The following GRM1 variants were observed in gnomAD, a reference collection of about 807,000 sequenced individuals.
GRM1 encodes glutamate metabotropic receptor 1, also known as metabotropic glutamate receptor 1.
GRM1 carries 33 observed loss-of-function variants against 90.9 expected under a neutral mutation model. The observed-to-expected ratio is 0.36, with a 90% CI of 0.28 to 0.49. The LOEUF (loss-of-function observed/expected upper bound fraction) is 0.49, where lower values mean the gene tolerates loss of function less well. Among genes scored for constraint, GRM1 ranks in the 20% least tolerant of loss-of-function variants. GRM1 has a pLI of 0.99. For missense variants in GRM1, 1,190 were observed against 1,534.3 expected, an observed-to-expected ratio of 0.78 and a Z score of 3.75; for synonymous variants, 700 against 613.2, an observed-to-expected ratio of 1.14 and a Z score of -2.09.
At chr6:146,332,650 C>G (rs1458336464) in intron 3 of GRM1, among the ~76,000 whole-genome samples, 1 of 152,160 alleles carries the variant, frequency 6.6e-6, no homozygotes, top group African/African-American at 2.4e-5. Context: ...GGCATTTAAT[C>G]TTAATTACAT....
In GRM1 at chr6:146,267,620, AGGCTGGGCTG is replaced by A; in HGVS notation, c.951-36980_951-36971del. On this transcript the variant is annotated intron_variant, in intron 2 of 7. Coordinates refer to ENST00000282753, the MANE Select transcript of GRM1 (RefSeq NM_001278064.2). ...GCATGGGAGAAAGATGTAGGCTGGG[AGGCTGGGCTG>A]GGCTGGGCTGCGCTGGGCTGGGCTG... is the stretch of plus-strand genomic sequence containing the variant. Among the ~76,000 whole-genome samples, 3 of 75,064 alleles carry A rather than the reference AGGCTGGGCTG, an allele frequency of 4.0e-5. No homozygotes were observed. The South Asian group carries it at 1.7e-3, about 42-fold the overall frequency. 49.2% of individuals were successfully genotyped at this position (75,064 alleles called of 152,430 possible).
At chr6:146,282,926 C>A (rs1782626989) in intron 2 of GRM1, among the ~76,000 whole-genome samples, 1 of 152,168 alleles carries the variant, frequency 6.6e-6, no homozygotes, top group Admixed American at 6.5e-5. Context: ...TAATCCCTGT[C>A]TCTTGATTTG....
intron 7 of GRM1, among the ~76,000 whole-genome samples, chr6:146,421,744 C>T (rs1778000526): frequency 1.3e-5 from 2 of 152,038 alleles, no homozygotes; most frequent in Non-Finnish European, 2.9e-5. Context: ...CAATATTTTA[C>T]ACCTATATGG....
At chr6:146,308,971 T>A (rs2114936680) in intron 3 of GRM1, among the ~76,000 whole-genome samples, 1 of 152,322 alleles carries the variant, frequency 6.6e-6, no homozygotes, top group Non-Finnish European at 1.5e-5. Flanking sequence ...TGTTTTTGCT[T>A]ATTCACAATT....
At chr6:146,274,204 T>C (rs1306182539) in intron 2 of GRM1, among the ~76,000 whole-genome samples, 1 of 152,202 alleles carries the variant, frequency 6.6e-6, no homozygotes, top group Non-Finnish European at 1.5e-5. Flanking sequence ...AGTAAAAACT[T>C]GGGGAAAAAT....
chr6:146,203,792 C>T lies in GRM1; in HGVS notation c.950+44195C>T, dbSNP rs765634612. ...ACTCGTATCCTACATTTGAATTCCA[C>T]GGCAAAGAGAAAACCAGAAAATATT... On this transcript the variant is annotated intron_variant, in intron 2 of 7. Transcript: ENST00000282753. Among the ~76,000 whole-genome samples, 48 of 152,274 alleles carry T rather than the reference C, an allele frequency of 3.2e-4. 1 individual carries two copies. The highest frequency in any genetic ancestry group is 7.8e-4 in the Admixed American group (12 of 15,290).
chr6:146,172,817 C>T (rs1317425162), intron 2 of GRM1, among the ~76,000 whole-genome samples: 2 of 152,020 alleles, frequency 1.3e-5, no homozygotes, highest in African/African-American at 2.4e-5. Context: ...TATTTAATGG[C>T]ATTTGGATTT....
chr6:146,070,755 T>G (rs1024552175), intron 1 of GRM1, among the ~76,000 whole-genome samples: 1 of 152,186 alleles, frequency 6.6e-6, no homozygotes, highest in East Asian at 1.9e-4. Context: ...TGTCAATTTT[T>G]GGCAGCAGAA....
At chr6:146,177,465 G>A (rs1277934270) in intron 2 of GRM1, among the ~76,000 whole-genome samples, 2 of 151,910 alleles carry the variant, frequency 1.3e-5, no homozygotes, top group Admixed American at 1.3e-4. Context: ...TTTTTATATA[G>A]CTTAATATAT....
chr6:146,301,206 C>A (rs1428398920), intron 2 of GRM1, among the ~76,000 whole-genome samples: 1 of 151,952 alleles, frequency 6.6e-6, no homozygotes, highest in African/African-American at 2.4e-5. Context: ...GATTTTATGA[C>A]CTCTTAGATT....
intron 3 of GRM1, among the ~76,000 whole-genome samples, chr6:146,325,128 G>A (rs551538910): frequency 2.2e-4 from 33 of 152,306 alleles, no homozygotes; most frequent in African/African-American, 7.9e-4. Flanking sequence ...GTAAGATTAA[G>A]CAATAATCAG....
intron 2 of GRM1, among the ~76,000 whole-genome samples, chr6:146,212,111 C>T (rs575466079): frequency 6.6e-6 from 1 of 152,276 alleles, no homozygotes; most frequent in South Asian, 2.1e-4. Flanking sequence ...CTGAGGGAAT[C>T]AGGTCCACTC....
At chr6:146,176,197 G>T (rs1174557708) in intron 2 of GRM1, among the ~76,000 whole-genome samples, 4 of 151,936 alleles carry the variant, frequency 2.6e-5, no homozygotes, top group African/African-American at 9.7e-5. Context: ...GTTGACAATT[G>T]TGATTATTCA....
intron 2 of GRM1, among the ~76,000 whole-genome samples, chr6:146,190,799 T>C (rs1778911483): frequency 6.6e-6 from 1 of 152,170 alleles, no homozygotes; most frequent in African/African-American, 2.4e-5. Flanking sequence ...CCTAATTGAC[T>C]TTCTTGGCTG....
intron 1 of GRM1, among the ~76,000 whole-genome samples, chr6:146,107,823 GA>G (rs1353056561): frequency 2.6e-5 from 4 of 152,068 alleles, no homozygotes; most frequent in Non-Finnish European, 5.9e-5. Context: ...TAATATAAGG[GA>G]ATGCTTTTTC....
intron 1 of GRM1, among the ~76,000 whole-genome samples, chr6:146,067,399 G>A (rs923356525): frequency 2.0e-5 from 3 of 152,074 alleles, no homozygotes; most frequent in African/African-American, 7.2e-5. Flanking sequence ...TAAAGTCTTA[G>A]ACATATATTT....
chr6:146,055,258 G>C (rs1030375723), intron 1 of GRM1, among the ~76,000 whole-genome samples: 8 of 152,046 alleles, frequency 5.3e-5, no homozygotes, highest in African/African-American at 1.9e-4. Context: ...ATTGCTTCTA[G>C]CATAATATTA....
intron 2 of GRM1, among the ~76,000 whole-genome samples, chr6:146,288,592 G>A (rs1393983338): frequency 5.3e-5 from 8 of 151,984 alleles, no homozygotes; most frequent in Non-Finnish European, 1.2e-4. Flanking sequence ...TGCAACCTCC[G>A]CCTCCTGGGT....
chr6:146,278,443 C>T (rs4896865), intron 2 of GRM1, among the ~76,000 whole-genome samples: 31,916 of 152,016 alleles, frequency 0.21, 7,434 homozygotes, highest in African/African-American at 0.58. Flanking sequence ...ACTTATTCTG[C>T]CTCTGGTAGT....
Sources: gnomAD v4.1 joint callset for allele counts (sites outside exome capture counted in the v4.1 genomes callset) on GRCh38, gnomAD v4.1.1 for gene constraint, MANE v1.5 for transcripts, NCBI Gene and HGNC (gene_info 2026-07-23, HGNC 2026-07-21) for gene names.